The following FTO variants were observed in gnomAD, a reference collection of about 807,000 sequenced individuals.
The protein encoded by FTO is alpha-ketoglutarate-dependent dioxygenase FTO.
FTO carries 47 observed loss-of-function variants against 63.9 expected under a neutral mutation model. The observed-to-expected ratio is 0.74, with a 90% CI of 0.58 to 0.94. The LOEUF (loss-of-function observed/expected upper bound fraction) is 0.94, where lower values mean the gene tolerates loss of function less well. Among genes scored for constraint, FTO ranks in the 40% least tolerant of loss-of-function variants. The pLI is 0.00. For missense variants in FTO, 562 were observed against 618.1 expected (o/e 0.91, Z 0.96); for synonymous variants, 207 against 224.4 (o/e 0.92, Z 0.69).
chr16:53,722,249 T>C (rs2076058179), intron 1 of FTO, among the ~76,000 whole-genome samples: 1 of 152,216 alleles, frequency 6.6e-6, no homozygotes, highest in South Asian at 2.1e-4. Flanking sequence ...AAATTTTACA[T>C]TTTGAGATTG....
intron 8 of FTO, among the ~76,000 whole-genome samples, chr16:54,092,751 G>A (rs1325136341): frequency 6.6e-6 from 1 of 152,176 alleles, no homozygotes; most frequent in East Asian, 1.9e-4. Flanking sequence ...CGTTAACTTG[G>A]AACCAGTTAA....
At position 53,964,701 on chromosome 16, in the gene FTO, A is replaced by T. The variant is rs113828483; in HGVS notation, c.1364+30592A>T. 9.5e-3 allele frequency among the ~76,000 whole-genome samples: 1,448 copies of T among 152,336 alleles called. 34 individuals carry two copies. The highest frequency in any genetic ancestry group is 0.033 in the African/African-American group (1,376 of 41,574). On this transcript the variant is annotated intron_variant, in intron 8 of 8. Transcript: ENST00000471389. ...CAATTTGAATGTAGTCTGCTTCTAT[A>T]ATGGAAACAGTATTCCAAATCTTCA...
chr16:53,833,948 G>A (rs1181666325), intron 3 of FTO, among the ~76,000 whole-genome samples: 1 of 151,964 alleles, frequency 6.6e-6, no homozygotes, highest in East Asian at 1.9e-4. Flanking sequence ...AGTTTTGTGA[G>A]TTCCTTATGT....
chr16:53,726,175 C>CAG (rs10680802), intron 1 of FTO, among the ~76,000 whole-genome samples: 109,892 of 151,830 alleles, frequency 0.72, 40,809 homozygotes, highest in Middle Eastern at 0.88. Context: ...ATTTTATAAA[C>CAG]ACTCTAAAAA....
At chr16:53,797,799 C>T (rs918227582) in intron 1 of FTO, among the ~76,000 whole-genome samples, 1 of 151,998 alleles carries the variant, frequency 6.6e-6, no homozygotes, top group Non-Finnish European at 1.5e-5. Flanking sequence ...GTTTTGAGAG[C>T]AGATTTTCTT....
At chr16:53,774,496 GTGGCCTGGCTCTGTTTC>G (rs557637582) in intron 1 of FTO, among the ~76,000 whole-genome samples, 55 of 152,020 alleles carry the variant, frequency 3.6e-4, no homozygotes, top group African/African-American at 1.3e-3. Flanking sequence ...TTCATATACT[GTGGCCTGGCTCTGTTTC>G]TGGCCTGGCT....
chr16:54,018,096 T>A (rs1266880169), intron 8 of FTO, among the ~76,000 whole-genome samples: 1 of 152,122 alleles, frequency 6.6e-6, no homozygotes, highest in East Asian at 1.9e-4. Context: ...TTTTTCACTT[T>A]GCTAAAGTTT....
intron 1 of FTO, among the ~76,000 whole-genome samples, chr16:53,802,233 T>C (rs2078247138): frequency 6.6e-6 from 1 of 152,236 alleles, no homozygotes; most frequent in Admixed American, 6.5e-5. Flanking sequence ...CATCTTCCTA[T>C]GTACTTTAAA....
At chr16:53,843,578 A>T (rs2151817420) in intron 3 of FTO, among the ~76,000 whole-genome samples, 1 of 152,152 alleles carries the variant, frequency 6.6e-6, no homozygotes, top group East Asian at 1.9e-4. Context: ...GTTGCTCTTT[A>T]TATATTTAGA....
intron 7 of FTO, among the ~76,000 whole-genome samples, chr16:53,920,239 AATATCCTCATTTTACAC>A (rs1465260726): frequency 6.6e-6 from 1 of 152,156 alleles, no homozygotes; most frequent in Non-Finnish European, 1.5e-5. Context: ...AGCTGCTATA[AATATCCTCATTTTACAC>A]ATGAGGAAAC....
In FTO at chr16:53,844,206, A is replaced by G. The variant is rs1164310772; in HGVS notation, c.803A>G (p.Asp268Gly). Residue 268 changes from aspartate (D) to glycine (G), a missense_variant, in exon 4 of 9, where the codon GAT becomes GGT. Asp to Gly is a moderately conservative substitution (Grantham distance 94). Transcript: ENST00000471389. ...TCTCATCTCGAAGGCAGGGATCCTG[A>G]TATTTGGCATGTTGGTTTTAAGATC... ...DDSHLEGRDP[D>G]IWHVGFKISW... 2 of 1,613,552 alleles carry G rather than the reference A, an allele frequency of 1.2e-6. No individual in the cohort carries two copies. The highest frequency in any genetic ancestry group is 1.7e-6 in the Non-Finnish European group (2 of 1,179,714).
At position 53,817,391 on chromosome 16, in the gene FTO, C is replaced by T. The variant is rs575977322; in HGVS notation, c.123+7174C>T. 1.2e-4 allele frequency among the ~76,000 whole-genome samples: 18 copies of T among 152,152 alleles called. No homozygotes were observed. In the East Asian group the frequency reaches 2.9e-3, roughly 25 times the overall value. On this transcript the variant is annotated intron_variant, in intron 2 of 8. Coordinates refer to ENST00000471389, the MANE Select transcript of FTO (RefSeq NM_001080432.3). Reference sequence around the variant, plus strand: ...GTTAGTCATCGGATGGCTGCCAAGTCGCAAGCATTTTACAACAAAAATTAT... The same window carrying T: ...GTTAGTCATCGGATGGCTGCCAAGTTGCAAGCATTTTACAACAAAAATTAT...
At chr16:53,730,703 C>G (rs1844640969) in intron 1 of FTO, among the ~76,000 whole-genome samples, 1 of 152,002 alleles carries the variant, frequency 6.6e-6, no homozygotes, top group Non-Finnish European at 1.5e-5. Flanking sequence ...GCTATTATTG[C>G]CCAGGTTGGT....
At chr16:54,073,599 TTCTC>T (rs150379576) in intron 8 of FTO, among the ~76,000 whole-genome samples, 2 of 149,230 alleles carry the variant, frequency 1.3e-5, no homozygotes, top group African/African-American at 4.9e-5. Context: ...GCTCTCTCTC[TTCTC>T]TCTCTCTCTC....
intron 8 of FTO, among the ~76,000 whole-genome samples, chr16:54,079,698 CAG>C (rs1204148375): frequency 2.6e-5 from 4 of 152,132 alleles, no homozygotes; most frequent in Non-Finnish European, 4.4e-5. Flanking sequence ...GCAGGCCGCA[CAG>C]AGAGAGCCTG....
At chr16:53,794,439 C>A (rs760009276) in intron 1 of FTO, among the ~76,000 whole-genome samples, 1 of 152,174 alleles carries the variant, frequency 6.6e-6, no homozygotes, top group Non-Finnish European at 1.5e-5. Flanking sequence ...GATGGTGCTG[C>A]AGAGGCTCTG....
chr16:53,756,619 G>A (rs746540271), intron 1 of FTO, among the ~76,000 whole-genome samples: 3 of 152,158 alleles, frequency 2.0e-5, no homozygotes, highest in Non-Finnish European at 2.9e-5. Context: ...GCAGAGATGC[G>A]TAATTATTTT....
chr16:53,817,232 T>C (rs1344678414), intron 2 of FTO, among the ~76,000 whole-genome samples: 3 of 152,214 alleles, frequency 2.0e-5, no homozygotes, highest in African/African-American at 7.2e-5. Context: ...TGTCATTTTG[T>C]AGCAAAGCAC....
intron 3 of FTO, among the ~76,000 whole-genome samples, chr16:53,839,310 A>G (rs2079395813): frequency 6.6e-6 from 1 of 152,210 alleles, no homozygotes; most frequent in Non-Finnish European, 1.5e-5. Context: ...AAGGCAAGTA[A>G]GAACCTGTTG....
Sources: gnomAD v4.1 joint callset for allele counts (sites outside exome capture counted in the v4.1 genomes callset) on GRCh38, gnomAD v4.1.1 for gene constraint, MANE v1.5 for transcripts, NCBI Gene and HGNC (gene_info 2026-07-23, HGNC 2026-07-21) for gene names.